XYLB: variants seen among roughly 807,000 people sequenced by gnomAD.
XYLB encodes the protein xylulokinase.
A neutral mutation model predicts 78.7 loss-of-function variants in XYLB; 62 were observed. The ratio of observed to expected loss-of-function variants is 0.79; its 90% confidence interval spans 0.64 to 0.97. XYLB has a LOEUF of 0.97. Ranked by LOEUF, XYLB falls within the 50% of genes least tolerant of loss-of-function variation. The pLI, the probability that XYLB is intolerant of heterozygous loss-of-function variation, is 0.00. For missense variants in XYLB, 687 were observed against 676.8 expected (o/e 1.02, Z -0.17); for synonymous variants, 245 against 247.4 (o/e 0.99, Z 0.09).
the XYLB span, among the ~76,000 whole-genome samples, chr3:38,439,588 C>T: frequency 6.6e-6 from 1 of 152,120 alleles, no homozygotes; most frequent in Admixed American, 6.6e-5. Flanking sequence ...TGGTGAAACC[C>T]TGTCTCTACT....
At chr3:38,360,434 T>C (rs1705904292) in intron 3 of XYLB, 26 bp downstream of exon 3, 1 of 1,546,996 alleles carries the variant, frequency 6.5e-7, no homozygotes, top group East Asian at 2.3e-5. Flanking sequence ...CCTATTCTCC[T>C]TCTATCCCCA....
intron 15 of XYLB, among the ~76,000 whole-genome samples, chr3:38,385,104 G>A (rs151192140): frequency 1.3e-5 from 2 of 152,198 alleles, no homozygotes; most frequent in Non-Finnish European, 2.9e-5. Context: ...GGGTTCAAGC[G>A]ATTCTTGCAC....
In XYLB at chr3:38,395,507, T is replaced by G; in HGVS notation, c.1294T>G (p.Ser432Ala). Reference protein sequence around the residue: ...HAEGLGYRVMSKTKILATGGA... With the variant: ...HAEGLGYRVMAKTKILATGGA... Reference sequence around the variant, plus strand: ...TACTTTTTTCTTTTCCCTTGCAGTGTCCAAGACAAAGATTTTGGCCACAGG... The same window carrying G: ...TACTTTTTTCTTTTCCCTTGCAGTGGCCAAGACAAAGATTTTGGCCACAGG... The change falls in exon 16 of 19, where the codon TCC (serine) becomes GCC (alanine). Residue 432 changes from serine to alanine, a missense_variant and splice_region_variant. Transcript: ENST00000207870. 6.2e-7 allele frequency: 1 copy of G among 1,614,194 alleles called. No homozygotes were observed. The highest frequency in any genetic ancestry group is 8.5e-7 in the Non-Finnish European group (1 of 1,180,030).
chr3:38,424,611 T>C (rs1262554941), downstream of XYLB, among the ~76,000 whole-genome samples: 1 of 152,186 alleles, frequency 6.6e-6, no homozygotes, highest in Non-Finnish European at 1.5e-5. Flanking sequence ...AAAGTAAAGT[T>C]TTCCAGACGC....
At chr3:38,423,217 C>T (rs556188048), downstream of XYLB, among the ~76,000 whole-genome samples, 6 of 152,142 alleles carry the variant, frequency 3.9e-5, no homozygotes, top group African/African-American at 1.4e-4. Flanking sequence ...GGACTATAGG[C>T]GCCCACCACC....
intron 14 of XYLB, among the ~76,000 whole-genome samples, chr3:38,378,878 C>T (rs1015973634): frequency 1.3e-5 from 2 of 149,436 alleles, no homozygotes; most frequent in African/African-American, 2.5e-5. Flanking sequence ...TGCAACAACC[C>T]TAAAAAACAG....
chr3:38,404,924 C>T (rs141637877), intron 18 of XYLB, among the ~76,000 whole-genome samples: 1 of 152,244 alleles, frequency 6.6e-6, no homozygotes, highest in African/African-American at 2.4e-5. Flanking sequence ...ACTTGCGAGT[C>T]GCAGGAAAAT....
chr3:38,446,631 G>A, the XYLB span, among the ~76,000 whole-genome samples: 28 of 152,258 alleles, frequency 1.8e-4, no homozygotes, highest in Non-Finnish European at 3.2e-4. Context: ...TATAGCCAAC[G>A]AATCTTTAAC....
the XYLB span, among the ~76,000 whole-genome samples, chr3:38,439,236 C>T: frequency 0.42 from 64,397 of 151,992 alleles, 15,917 homozygotes; most frequent in Non-Finnish European, 0.57. Context: ...AACTCTAGGC[C>T]AGCCAAAGGG....
intron 18 of XYLB, among the ~76,000 whole-genome samples, chr3:38,412,106 TC>T (rs1222143936): frequency 6.6e-6 from 1 of 151,776 alleles, no homozygotes; most frequent in African/African-American, 2.4e-5. Flanking sequence ...TTCTCCTACC[TC>T]AGCCTCTCGA....
intron 2 of XYLB, chr3:38,355,986 C>A: frequency 1.8e-6 from 1 of 559,894 alleles, no homozygotes; most frequent in Non-Finnish European, 3.2e-6. Flanking sequence ...TGTGGTCGCT[C>A]ACGCCTGTAA....
chr3:38,348,770 C>CT, intron 2 of XYLB, 138 bp downstream of exon 2: 1 of 697,856 alleles, frequency 1.4e-6, no homozygotes. Flanking sequence ...TTTCAAGCAT[C>CT]TTTTTTTCCT....
At chr3:38,378,454 G>A (rs2125609855) in intron 14 of XYLB, among the ~76,000 whole-genome samples, 1 of 152,332 alleles carries the variant, frequency 6.6e-6, no homozygotes, top group African/African-American at 2.4e-5. Context: ...GCTAAGGCTA[G>A]GTTGCAGAAG....
chr3:38,432,536 C>A, the XYLB span, among the ~76,000 whole-genome samples: 1 of 152,084 alleles, frequency 6.6e-6, no homozygotes, highest in Non-Finnish European at 1.5e-5. Flanking sequence ...CCCTGCACTC[C>A]TGCCTGGTGA....
chr3:38,407,223 A>G (rs1222931184), intron 18 of XYLB, among the ~76,000 whole-genome samples: 3 of 149,834 alleles, frequency 2.0e-5, no homozygotes, highest in Non-Finnish European at 4.5e-5. Context: ...AGTGGGGGCC[A>G]ATATTCAACA....
intron 2 of XYLB, among the ~76,000 whole-genome samples, chr3:38,349,602 A>G (rs1474201763): frequency 1.3e-5 from 2 of 152,188 alleles, no homozygotes; most frequent in Non-Finnish European, 2.9e-5. Flanking sequence ...TGTCCTTCAG[A>G]GTGGATGTTG....
chr3:38,406,050 C>A (rs1454241224), intron 18 of XYLB, among the ~76,000 whole-genome samples: 2 of 152,220 alleles, frequency 1.3e-5, no homozygotes, highest in East Asian at 3.8e-4. Context: ...CCCAGCACAC[C>A]TCTGGAGATC....
At chr3:38,430,372 C>G in the XYLB span, among the ~76,000 whole-genome samples, 6 of 152,330 alleles carry the variant, frequency 3.9e-5, no homozygotes, top group Admixed American at 1.3e-4. Flanking sequence ...AGTGTCTGTT[C>G]ATATCCTTTG....
chr3:38,428,895 T>C, the XYLB span, among the ~76,000 whole-genome samples: 1 of 152,212 alleles, frequency 6.6e-6, no homozygotes, highest in African/African-American at 2.4e-5. Context: ...CTCCACTCCA[T>C]ATATTGGTTA....
Sources: gnomAD v4.1 joint callset for allele counts (sites outside exome capture counted in the v4.1 genomes callset) on GRCh38, gnomAD v4.1.1 for gene constraint, MANE v1.5 for transcripts, NCBI Gene and HGNC (gene_info 2026-07-23, HGNC 2026-07-21) for gene names.